Variants in DDX31 observed in about 807,000 individuals in gnomAD.
DDX31 encodes ATP-dependent DNA helicase DDX31.
In DDX31, 70 loss-of-function variants were observed where a neutral mutation model predicts 91.3. The ratio of observed to expected loss-of-function variants is 0.77; its 90% CI spans 0.63 to 0.94. DDX31 has a LOEUF of 0.94. Ranked by LOEUF, DDX31 falls within the 40% of genes least tolerant of loss-of-function variation. The pLI is 0.00. For missense variants in DDX31, 902 were observed against 925.0 expected, an observed-to-expected ratio of 0.98 and a Z score of 0.32; for synonymous variants, 362 against 350.6, an observed-to-expected ratio of 1.03 and a Z score of -0.36.
At chr9:132,630,667 T>C (rs781299305) in intron 15 of DDX31, among the ~76,000 whole-genome samples, 1 of 152,258 alleles carries the variant, frequency 6.6e-6, no homozygotes, top group Non-Finnish European at 1.5e-5. Context: ...TCCTTTTTAA[T>C]TTTACTTCTC....
At chr9:132,636,104 A>G (rs1833098227) in intron 14 of DDX31, among the ~76,000 whole-genome samples, 1 of 152,164 alleles carries the variant, frequency 6.6e-6, no homozygotes, top group Non-Finnish European at 1.5e-5. Context: ...TGAGATTTGC[A>G]GGTTTCCTTT....
chr9:132,645,602 G>A (rs937840802), intron 13 of DDX31, among the ~76,000 whole-genome samples: 8 of 152,156 alleles, frequency 5.3e-5, no homozygotes, highest in Non-Finnish European at 1.2e-4. Flanking sequence ...GCTGGTTGAG[G>A]TAGATTCAGG....
intron 1 of DDX31, 87 bp from the exon 2 acceptor site, chr9:132,662,782 A>G: frequency 1.3e-6 from 2 of 1,552,548 alleles, no homozygotes; most frequent in Non-Finnish European, 8.8e-7. Context: ...TGCCCACAGA[A>G]TTGCATCTCT....
At chr9:132,659,096 G>C (rs1288694726) in intron 5 of DDX31, among the ~76,000 whole-genome samples, 2 of 152,218 alleles carry the variant, frequency 1.3e-5, no homozygotes, top group Non-Finnish European at 2.9e-5. Context: ...ATGAGCTTCA[G>C]TGGTCAATTA....
At chr9:132,637,227 C>A (rs1397240597) in intron 14 of DDX31, among the ~76,000 whole-genome samples, 1 of 152,160 alleles carries the variant, frequency 6.6e-6, no homozygotes, top group Non-Finnish European at 1.5e-5. Context: ...TACATCAGAT[C>A]AACAGGAGAT....
At chr9:132,632,241 TACACACACACAC>T (rs57020423) in intron 14 of DDX31, 150 bp from the exon 15 acceptor site, 11 of 94,100 alleles carry the variant, frequency 1.2e-4, no homozygotes, top group African/African-American at 4.7e-4. Flanking sequence ...CCAGTACGTG[TACACACACACAC>T]ACACACACAC....
intron 17 of DDX31, among the ~76,000 whole-genome samples, chr9:132,622,349 A>C (rs1832082401): frequency 6.6e-6 from 1 of 152,168 alleles, no homozygotes; most frequent in Non-Finnish European, 1.5e-5. Flanking sequence ...GGCTGGCCTC[A>C]AGCCAGGGAA....
rs901520419 is a variant in DDX31 at position 132,622,828 on chromosome 9, A to G, written c.1713+2836T>C. Among the ~76,000 whole-genome samples, 3 of 152,200 alleles carry G rather than the reference A, an allele frequency of 2.0e-5. No homozygotes were observed. The South Asian group carries it at 6.2e-4, about 32-fold the overall frequency. On this transcript the variant is annotated intron_variant, in intron 17 of 19. Transcript: ENST00000372159. ...TACAAATAATCCTGATAGTTACAGT[A>G]ATAATAAAAAATGCCCTTTGGGCCG...
Position 132,612,352 on chromosome 9 carries a change from C to T in DDX31, c.1826-97G>A, listed in dbSNP as rs140122725. ...TGGTTATCTTCTGTACTTTATCTTG[C>T]CAGGCAACGAAACATGAGCAGGACA... On this transcript the variant is annotated intron_variant, in intron 18 of 19. Transcript: ENST00000372159. 9.3e-4 allele frequency: 1,316 copies of T among 1,408,166 alleles called. 2 individuals are homozygous for T. The highest frequency in any genetic ancestry group is 1.2e-3 in the Non-Finnish European group (1,250 of 1,008,338). The allele number at this position is 1,408,166 out of a possible 1,614,324, so 87.2% of individuals were successfully genotyped here.
At chr9:132,617,343 CTT>C (rs1831705136) in intron 18 of DDX31, among the ~76,000 whole-genome samples, 1 of 152,102 alleles carries the variant, frequency 6.6e-6, no homozygotes, top group African/African-American at 2.4e-5. Context: ...TTCCATAGCT[CTT>C]GTCACCTTTA....
chr9:132,663,010 T>TG (rs1363965572), intron 1 of DDX31, among the ~76,000 whole-genome samples: 13 of 152,172 alleles, frequency 8.5e-5, no homozygotes, highest in Non-Finnish European at 1.9e-4. Context: ...TGTTAACTAA[T>TG]GGAGTCTGTT....
At chr9:132,631,368 A>G (rs553931963) in intron 15 of DDX31, among the ~76,000 whole-genome samples, 2 of 152,342 alleles carry the variant, frequency 1.3e-5, no homozygotes, top group East Asian at 3.9e-4. Context: ...AGCAGGAAAG[A>G]AGACACAATG....
At position 132,669,845 on chromosome 9, in the gene DDX31, CG is replaced by C; in HGVS notation, c.75+14del. On this transcript the variant is annotated intron_variant, in intron 1 of 19. Transcript: ENST00000372159. ...CCGCGGGTGGGGACGGAGCTGAAGC[CG>C]GGTCAGAACTCACCCGACTCGCCTG... 1 of 1,566,990 alleles carries C rather than the reference CG, an allele frequency of 6.4e-7. No individual in the cohort carries two copies.
rs528604207 is a variant in DDX31, at chr9:132,666,746, G to A, written c.75+3114C>T. Among the ~76,000 whole-genome samples, 158 of 148,776 alleles carry A rather than the reference G, an allele frequency of 1.1e-3. 1 individual carries two copies. The highest frequency in any genetic ancestry group is 9.6e-3 in the South Asian group (45 of 4,684). On this transcript the variant is annotated intron_variant, in intron 1 of 19. Coordinates refer to ENST00000372159, the MANE Select transcript of DDX31 (RefSeq NM_022779.9). The stretch of plus-strand genomic sequence containing the variant: ...TTTTGAGACAGAGTCTCGCTCTGTC[G>A]CCCAGGCTGGAGTGCAGTGGCGCAA...
Position 132,647,237 on chromosome 9 carries a change from C to T in DDX31, c.968-179G>A, listed in dbSNP as rs370896214. ...GCCAACGTGTGTGTTGCAGGGAGAT[C>T]TACCAACGTATCTTTCCATAGCCAT... On this transcript the variant is annotated intron_variant, in intron 11 of 19. Coordinates refer to ENST00000372159, the MANE Select transcript of DDX31 (RefSeq NM_022779.9). Among the ~76,000 whole-genome samples the T allele has an allele frequency of 5.4e-4, 82 of 152,262 alleles. No homozygotes were observed. In the South Asian group the frequency reaches 0.016, roughly 30 times the overall value.
At chr9:132,653,494 C>CAAAAAAAAAAAAAA (rs71376648) in intron 6 of DDX31, among the ~76,000 whole-genome samples, 5 of 20,658 alleles carry the variant, frequency 2.4e-4, no homozygotes, top group Non-Finnish European at 3.0e-4. Context: ...AACTCAGTCT[C>CAAAAAAAAAAAAAA]AAAAAAAAAA....
At chr9:132,615,019 T>C (rs1168091680) in intron 18 of DDX31, among the ~76,000 whole-genome samples, 1 of 152,072 alleles carries the variant, frequency 6.6e-6, no homozygotes, top group Admixed American at 6.6e-5. Context: ...GCGTCGAGAA[T>C]GTGCAGAAGG....
At chr9:132,630,454 T>G in intron 15 of DDX31, 51 bp from the exon 16 acceptor site, 1 of 1,531,012 alleles carries the variant, frequency 6.5e-7, no homozygotes, top group Non-Finnish European at 8.9e-7. Flanking sequence ...GGACTGCCAT[T>G]AATTGGAAGT....
intron 6 of DDX31, among the ~76,000 whole-genome samples, chr9:132,655,816 T>C (rs1834526568): frequency 6.6e-6 from 1 of 152,278 alleles, no homozygotes; most frequent in African/African-American, 2.4e-5. Context: ...AACAGCAAAT[T>C]CAATTACAAG....
Sources: gnomAD v4.1 joint callset for allele counts (sites outside exome capture counted in the v4.1 genomes callset) on GRCh38, gnomAD v4.1.1 for gene constraint, MANE v1.5 for transcripts, NCBI Gene and HGNC (gene_info 2026-07-23, HGNC 2026-07-21) for gene names.